Variants in BTD observed in about 807,000 individuals in gnomAD.
The protein encoded by BTD is biocytinase.
In BTD, 13 loss-of-function variants were observed where a neutral mutation model predicts 17.7. The ratio of observed to expected loss-of-function variants is 0.74; its 90% CI spans 0.48 to 1.17. BTD has a LOEUF of 1.17. Among genes scored for constraint, BTD ranks in the 50% most tolerant of loss-of-function variants. The pLI, the probability that BTD is intolerant of heterozygous loss-of-function variation, is 0.00. For synonymous variants in BTD, 240 were observed against 245.2 expected, an observed-to-expected ratio of 0.98 and a Z score of 0.20; for missense variants, 674 against 650.4, an observed-to-expected ratio of 1.04 and a Z score of -0.39.
downstream of BTD, among the ~76,000 whole-genome samples, chr3:15,714,080 G>T (rs2072680825): frequency 6.6e-6 from 1 of 152,084 alleles, no homozygotes; most frequent in Non-Finnish European, 1.5e-5. Context: ...AAATTTCTTG[G>T]AATATGCCTT....
chr3:15,610,852 T>A (rs2064600583), intron 1 of BTD, among the ~76,000 whole-genome samples: 1 of 151,820 alleles, frequency 6.6e-6, no homozygotes, highest in South Asian at 2.1e-4. Flanking sequence ...TGTCTAGGGA[T>A]GCACATTGGG....
intron 3 of BTD, chr3:15,684,942 A>C (rs1431080318): frequency 2.8e-6 from 1 of 355,838 alleles, no homozygotes; most frequent in Non-Finnish European, 5.3e-6. Flanking sequence ...TGGGCAACAT[A>C]GCAAGATCCT....
At chr3:15,709,723 G>T in intron 3 of BTD, 1 of 1,570,490 alleles carries the variant, frequency 6.4e-7, no homozygotes, top group Non-Finnish European at 8.6e-7. Context: ...AGAAGGTTTA[G>T]GCACTCCAAA....
intron 3 of BTD, among the ~76,000 whole-genome samples, chr3:15,693,423 G>A (rs2069082307): frequency 2.5e-3 from 1 of 398 alleles, no homozygotes; most frequent in African/African-American, 9.1e-3. Flanking sequence ...AAATTGAAGG[G>A]TGGGGTAGAA....
chr3:15,694,881 C>CTGGG, intron 3 of BTD: 1 of 1,382,258 alleles, frequency 7.2e-7, no homozygotes, highest in East Asian at 2.3e-5. Flanking sequence ...CCCACCCACC[C>CTGGG]AGTTCAAATC....
intron 1 of BTD, among the ~76,000 whole-genome samples, chr3:15,614,121 C>CTTTTTTTTTTT (rs1389454960): frequency 7.6e-6 from 1 of 131,726 alleles, no homozygotes; most frequent in Non-Finnish European, 1.5e-5. Context: ...CTCTTTCTTT[C>CTTTTTTTTTTT]TTTCTTTTTT....
downstream of BTD, chr3:15,713,658 A>G (rs775347655): frequency 1.3e-6 from 2 of 1,508,872 alleles, no homozygotes; most frequent in South Asian, 2.4e-5. Flanking sequence ...TATAGGACTT[A>G]CTGTCAGACA....
chr3:15,636,762 A>G (rs1295532957), intron 2 of BTD, among the ~76,000 whole-genome samples: 4 of 134,904 alleles, frequency 3.0e-5, no homozygotes, highest in Non-Finnish European at 6.3e-5. Context: ...ATATATATAC[A>G]AAGGCTATGT....
chr3:15,671,270 C>T (rs1473683038), intron 3 of BTD, among the ~76,000 whole-genome samples: 2 of 152,092 alleles, frequency 1.3e-5, no homozygotes, highest in Non-Finnish European at 2.9e-5. Flanking sequence ...ACACAGCAAA[C>T]CAAGGAGGAA....
exon 4 of BTD, chr3:15,712,011 CTAAA>C: frequency 1.4e-6 from 1 of 731,694 alleles, no homozygotes; most frequent in South Asian, 1.8e-5. Context: ...CCAACACGTT[CTAAA>C]AGGGGTTATT....
At chr3:15,677,388 G>A (rs182807142) in intron 3 of BTD, 123 of 887,526 alleles carry the variant, frequency 1.4e-4, no homozygotes, top group Non-Finnish European at 9.3e-5. Flanking sequence ...GAGAGGTTTG[G>A]TCCTGAGTTG....
downstream of BTD, among the ~76,000 whole-genome samples, chr3:15,716,003 T>G (rs1298793799): frequency 6.6e-6 from 1 of 151,902 alleles, no homozygotes; most frequent in African/African-American, 2.4e-5. Flanking sequence ...TCTTTTTTTT[T>G]TTTGAGACTT....
chr3:15,645,698 G>A lies in BTD; in HGVS notation c.*210G>A. 3.4e-6 allele frequency: 2 copies of A among 579,990 alleles called. No individual in the cohort carries two copies. The highest frequency in any genetic ancestry group is 3.0e-6 in the Non-Finnish European group (1 of 329,186). 35.9% of individuals were successfully genotyped at this position (579,990 alleles called of 1,614,324 possible). A position where few individuals can be genotyped will look rare whatever the true frequency, so the allele number is the denominator to read the frequency against. On this transcript the variant is annotated 3_prime_UTR_variant, in exon 4 of 4. Transcript: ENST00000643237. ...TAAACCTCAATCATCGAGACATTAGGGGGTATTTTCTGTTCACATTTATCT... is the reference window on the plus strand; with the variant it reads ...TAAACCTCAATCATCGAGACATTAGAGGGTATTTTCTGTTCACATTTATCT...
chr3:15,654,505 A>C (rs943395103), downstream of BTD, among the ~76,000 whole-genome samples: 3 of 152,208 alleles, frequency 2.0e-5, no homozygotes, highest in African/African-American at 7.2e-5. Context: ...ACAATTAAAA[A>C]ATCTATAATA....
rs1304577628 is a variant in BTD at position 15,645,693 on chromosome 3, AT to A, written c.*207del. The A allele has an allele frequency of 5.1e-6, 3 of 583,992 alleles. No homozygotes were observed. 36.2% of individuals were successfully genotyped at this position (583,992 alleles called of 1,614,324 possible). The stretch of plus-strand genomic sequence containing the variant: ...CCTCTTAAACCTCAATCATCGAGAC[AT>A]TAGGGGGTATTTTCTGTTCACATTT... On this transcript the variant is annotated 3_prime_UTR_variant, in exon 4 of 4. Transcript: ENST00000643237.
intron 2 of BTD, among the ~76,000 whole-genome samples, chr3:15,638,053 C>G (rs79477967): frequency 6.6e-6 from 1 of 152,072 alleles, no homozygotes; most frequent in Non-Finnish European, 1.5e-5. Flanking sequence ...TTTATTTTTC[C>G]TTACACGATG....
At chr3:15,623,686 G>C (rs553518466) in intron 1 of BTD, among the ~76,000 whole-genome samples, 132 of 152,306 alleles carry the variant, frequency 8.7e-4, no homozygotes, top group African/African-American at 3.0e-3. Flanking sequence ...TCATGTGGAT[G>C]GTTTCTAACA....
At chr3:15,701,084 A>G (rs2070526135) in intron 3 of BTD, among the ~76,000 whole-genome samples, 1 of 152,216 alleles carries the variant, frequency 6.6e-6, no homozygotes, top group African/African-American at 2.4e-5. Context: ...ATCACACTGA[A>G]GTCATATAAA....
chr3:15,618,922 G>A (rs1413695943), intron 1 of BTD, among the ~76,000 whole-genome samples: 1 of 152,112 alleles, frequency 6.6e-6, no homozygotes, highest in African/African-American at 2.4e-5. Flanking sequence ...CTACAACATT[G>A]GTATAATAAC....
Sources: gnomAD v4.1 joint callset for allele counts (sites outside exome capture counted in the v4.1 genomes callset) on GRCh38, gnomAD v4.1.1 for gene constraint, MANE v1.5 for transcripts, NCBI Gene and HGNC (gene_info 2026-07-23, HGNC 2026-07-21) for gene names.